The following IQGAP2 variants were observed in gnomAD, a reference collection of about 807,000 sequenced individuals.
IQGAP2 encodes the protein IQ motif containing GTPase activating protein 2.
In IQGAP2, 173 loss-of-function variants were observed where a neutral mutation model predicts 201.3. The ratio of observed to expected loss-of-function variants is 0.86; its 90% confidence interval spans 0.76 to 0.98. IQGAP2 has a LOEUF of 0.98. Among genes scored for constraint, IQGAP2 ranks in the 50% least tolerant of loss-of-function variants. The pLI is 0.00. For synonymous variants in IQGAP2, 675 were observed against 673.9 expected (o/e 1.00, Z -0.03); for missense variants, 1,687 against 1,864.8 (o/e 0.90, Z 1.76).
At chr5:76,575,798 T>G in intron 5 of IQGAP2, 29 bp downstream of exon 5, 1 of 1,289,370 alleles carries the variant, frequency 7.8e-7, no homozygotes, top group Non-Finnish European at 1.1e-6. Flanking sequence ...TAAAAGGTGC[T>G]CTAAGAAGTA....
intron 2 of IQGAP2, among the ~76,000 whole-genome samples, chr5:76,476,871 C>T (rs1755467273): frequency 6.6e-6 from 1 of 152,118 alleles, no homozygotes; most frequent in Admixed American, 6.5e-5. Context: ...TATCATGACC[C>T]AGGTAGCTGT....
intron 1 of IQGAP2, among the ~76,000 whole-genome samples, chr5:76,446,966 G>C (rs2150110421): frequency 6.6e-6 from 1 of 152,332 alleles, no homozygotes; most frequent in Non-Finnish European, 1.5e-5. Context: ...ACAAGTTTCA[G>C]TGGGTGCCAG....
chr5:76,433,807 G>A (rs994613543), intron 1 of IQGAP2, among the ~76,000 whole-genome samples: 2 of 152,080 alleles, frequency 1.3e-5, no homozygotes, highest in Non-Finnish European at 2.9e-5. Context: ...TTTATGTCAC[G>A]GCTGATTCTT....
intron 2 of IQGAP2, among the ~76,000 whole-genome samples, chr5:76,532,678 A>T (rs16873459): frequency 0.056 from 8,476 of 152,158 alleles, 789 homozygotes; most frequent in African/African-American, 0.19. Flanking sequence ...CACTGTGATC[A>T]TGTTGCCCTT....
intron 1 of IQGAP2, among the ~76,000 whole-genome samples, chr5:76,436,329 T>G (rs775585622): frequency 6.4e-4 from 97 of 151,562 alleles, no homozygotes; most frequent in South Asian, 4.2e-4. Context: ...CTTTTCCCCA[T>G]TCAATATAAT....
At chr5:76,435,972 T>G (rs979964630) in intron 1 of IQGAP2, among the ~76,000 whole-genome samples, 2 of 151,506 alleles carry the variant, frequency 1.3e-5, no homozygotes, top group Non-Finnish European at 2.9e-5. Context: ...TTGGTTTTTT[T>G]GGCAGCTATT....
chr5:76,408,783 C>CTTAT (rs139211546), intron 1 of IQGAP2, among the ~76,000 whole-genome samples: 8,196 of 151,600 alleles, frequency 0.054, 477 homozygotes, highest in African/African-American at 0.15. Flanking sequence ...CCCAATCTCT[C>CTTAT]TTATTTATTT....
At chr5:76,524,027 G>C (rs1374667890) in intron 2 of IQGAP2, among the ~76,000 whole-genome samples, 1 of 152,090 alleles carries the variant, frequency 6.6e-6, no homozygotes, top group South Asian at 2.1e-4. Flanking sequence ...GTACACAGCT[G>C]ATCTCTTTAG....
intron 35 of IQGAP2, among the ~76,000 whole-genome samples, chr5:76,704,904 C>T (rs1322993737): frequency 2.0e-5 from 3 of 152,154 alleles, no homozygotes; most frequent in Non-Finnish European, 4.4e-5. Context: ...CTAAAGAAAG[C>T]CCCTTCTAAC....
intron 2 of IQGAP2, among the ~76,000 whole-genome samples, chr5:76,462,576 G>A (rs1754523294): frequency 6.6e-6 from 1 of 152,096 alleles, no homozygotes; most frequent in Non-Finnish European, 1.5e-5. Flanking sequence ...TTTATGCCAG[G>A]GTGGAGCGAC....
chr5:76,675,483 A>G (rs562625333), intron 27 of IQGAP2, among the ~76,000 whole-genome samples: 2 of 152,358 alleles, frequency 1.3e-5, no homozygotes, highest in Admixed American at 6.5e-5. Flanking sequence ...TGACACATGT[A>G]AGAAGATTTA....
intron 33 of IQGAP2, among the ~76,000 whole-genome samples, chr5:76,698,795 A>T (rs947848380): frequency 2.0e-5 from 3 of 152,166 alleles, no homozygotes; most frequent in African/African-American, 7.2e-5. Flanking sequence ...CTTGTCATCA[A>T]ATTGGCAGGA....
chr5:76,536,363 G>A (rs997233526), intron 2 of IQGAP2, among the ~76,000 whole-genome samples: 5 of 150,680 alleles, frequency 3.3e-5, no homozygotes, highest in African/African-American at 1.2e-4. Flanking sequence ...GAGCTACCAC[G>A]CCTGGCTTCC....
At position 76,697,572 on chromosome 5, in the gene IQGAP2, G is replaced by T. The variant is rs949707871; in HGVS notation, c.4207-415G>T. Among the ~76,000 whole-genome samples the T allele has an allele frequency of 2.0e-5, 3 of 152,242 alleles. No homozygotes were observed. In the East Asian group the frequency reaches 5.8e-4, roughly 29 times the overall value. ...GGCAGGAGAATCGCTTGAACCTGGA[G>T]GTAAAGGTTGCAGAGATCAGGCCAC... On this transcript the variant is annotated intron_variant, in intron 32 of 35. Coordinates refer to ENST00000274364, the MANE Select transcript of IQGAP2 (RefSeq NM_006633.5).
intron 24 of IQGAP2, among the ~76,000 whole-genome samples, chr5:76,672,694 C>T (rs965409263): frequency 3.3e-5 from 5 of 152,128 alleles, no homozygotes; most frequent in African/African-American, 1.2e-4. Context: ...ATTACATACG[C>T]CACACAGGAT....
intron 28 of IQGAP2, among the ~76,000 whole-genome samples, chr5:76,680,937 T>C (rs1745226431): frequency 6.6e-6 from 1 of 151,534 alleles, no homozygotes; most frequent in Non-Finnish European, 1.5e-5. Flanking sequence ...AAACCCTATC[T>C]TTATTTAAAA....
intron 17 of IQGAP2, among the ~76,000 whole-genome samples, chr5:76,647,805 C>T (rs1561547655): frequency 1.3e-5 from 2 of 148,378 alleles, no homozygotes; most frequent in Non-Finnish European, 3.0e-5. Flanking sequence ...ACAGTAACTG[C>T]TCTACTCTAG....
At chr5:76,529,799 T>A (rs918593647) in intron 2 of IQGAP2, among the ~76,000 whole-genome samples, 5 of 152,138 alleles carry the variant, frequency 3.3e-5, no homozygotes, top group Admixed American at 1.3e-4. Context: ...ATTTTTGCAA[T>A]CTTAGAATTA....
intron 13 of IQGAP2, among the ~76,000 whole-genome samples, chr5:76,615,035 A>G (rs1748807178): frequency 6.6e-6 from 1 of 152,218 alleles, no homozygotes; most frequent in South Asian, 2.1e-4. Context: ...AACCTTGTGT[A>G]GCTACAAAAT....
Sources: gnomAD v4.1 joint callset for allele counts (sites outside exome capture counted in the v4.1 genomes callset) on GRCh38, gnomAD v4.1.1 for gene constraint, MANE v1.5 for transcripts, NCBI Gene and HGNC (gene_info 2026-07-23, HGNC 2026-07-21) for gene names.